DPYSL3: variants seen among roughly 807,000 people sequenced by gnomAD.
DPYSL3 encodes dihydropyrimidinase like 3.
In DPYSL3, 16 loss-of-function variants were observed where a neutral mutation model predicts 66.1. The ratio of observed to expected loss-of-function variants is 0.24; its 90% confidence interval spans 0.16 to 0.37. The LOEUF (loss-of-function observed/expected upper bound fraction) is 0.37, where lower values mean the gene tolerates loss of function less well. DPYSL3 is among the 10% of genes least tolerant of loss of function. DPYSL3 has a pLI of 1.00. For missense variants in DPYSL3, 738 were observed against 916.2 expected (o/e 0.81, Z 2.51); for synonymous variants, 338 against 345.1 (o/e 0.98, Z 0.23).
intron 1 of DPYSL3, among the ~76,000 whole-genome samples, chr5:147,452,269 G>C (rs904191805): frequency 2.6e-5 from 4 of 152,152 alleles, no homozygotes; most frequent in Non-Finnish European, 5.9e-5. Context: ...AAGCCTAAGG[G>C]AACAAGTGCA....
At chr5:147,407,622 T>A (rs932550958) in intron 7 of DPYSL3, among the ~76,000 whole-genome samples, 3 of 152,098 alleles carry the variant, frequency 2.0e-5, no homozygotes, top group Non-Finnish European at 2.9e-5. Flanking sequence ...TGCGCAACAA[T>A]GCCAACCACA....
chr5:147,446,067 C>T (rs115270643), intron 1 of DPYSL3, among the ~76,000 whole-genome samples: 100 of 152,298 alleles, frequency 6.6e-4, no homozygotes, highest in African/African-American at 2.2e-3. Flanking sequence ...AATGGTCGCT[C>T]TCATCCACTT....
intron 1 of DPYSL3, among the ~76,000 whole-genome samples, chr5:147,431,582 C>T (rs1425959413): frequency 1.3e-5 from 2 of 152,066 alleles, no homozygotes; most frequent in Non-Finnish European, 2.9e-5. Flanking sequence ...TATAACCAGC[C>T]ATTGTAAAAC....
Position 147,397,816 on chromosome 5 carries a change from C to G in DPYSL3, c.1653G>C (p.Met551Ile), listed in dbSNP as rs1758038936. The change falls in exon 12 of 14, where the codon ATG becomes ATC. Residue 551 changes from methionine (M) to isoleucine (I), a missense_variant. Transcript: ENST00000343218. ...SAAEYNIFEG[M>I]ELRGAPLVVI... ...CAACCAGAGGAGCCCCGCGCAGCTC[C>G]ATCCCTTCAAAGATGTTGTACTCTG... 6 of 1,613,344 alleles carry G rather than the reference C, an allele frequency of 3.7e-6. No individual in the cohort carries two copies. The highest frequency in any genetic ancestry group is 5.1e-6 in the Non-Finnish European group (6 of 1,179,690).
intron 1 of DPYSL3, among the ~76,000 whole-genome samples, chr5:147,455,167 A>G (rs1283949050): frequency 6.6e-6 from 1 of 152,188 alleles, no homozygotes; most frequent in East Asian, 1.9e-4. Flanking sequence ...TGCGATAAAG[A>G]AACTATATAA....
At chr5:147,480,952 C>T (rs1753230441) in intron 1 of DPYSL3, among the ~76,000 whole-genome samples, 1 of 151,990 alleles carries the variant, frequency 6.6e-6, no homozygotes, top group South Asian at 2.1e-4. Flanking sequence ...AAATTCTCGA[C>T]CTCAGGTGAT....
intron 1 of DPYSL3, among the ~76,000 whole-genome samples, chr5:147,496,557 AAAAC>A (rs1426057675): frequency 3.3e-5 from 5 of 152,192 alleles, no homozygotes; most frequent in South Asian, 4.1e-4. Flanking sequence ...TTACAAGAAA[AAAAC>A]AAACAACCCC....
At chr5:147,431,546 CCAT>C (rs199936748) in intron 1 of DPYSL3, among the ~76,000 whole-genome samples, 1,721 of 152,098 alleles carry the variant, frequency 0.011, 22 homozygotes, top group Admixed American at 0.019. Flanking sequence ...GTGTGAGCTA[CCAT>C]CATCATTATT....
At chr5:147,449,557 G>A (rs1318146980) in intron 1 of DPYSL3, among the ~76,000 whole-genome samples, 1 of 152,178 alleles carries the variant, frequency 6.6e-6, no homozygotes, top group Non-Finnish European at 1.5e-5. Context: ...TCAGCTGCAC[G>A]TGCCTCCAAG....
chr5:147,419,090 A>G (rs918937734), intron 2 of DPYSL3, among the ~76,000 whole-genome samples: 1 of 152,228 alleles, frequency 6.6e-6, no homozygotes, highest in Non-Finnish European at 1.5e-5. Context: ...GAACTCAGCT[A>G]TCTTTTAAGT....
At chr5:147,411,737 A>G (rs913866504) in intron 6 of DPYSL3, among the ~76,000 whole-genome samples, 2 of 152,172 alleles carry the variant, frequency 1.3e-5, no homozygotes, top group Non-Finnish European at 2.9e-5. Flanking sequence ...GACCACATTC[A>G]CCAAGTTCTG....
At chr5:147,475,288 T>C (rs186499221) in intron 1 of DPYSL3, among the ~76,000 whole-genome samples, 3 of 152,228 alleles carry the variant, frequency 2.0e-5, no homozygotes, top group East Asian at 3.9e-4. Flanking sequence ...GGTTTTAATA[T>C]CATATTGCTG....
intron 10 of DPYSL3, among the ~76,000 whole-genome samples, chr5:147,399,790 A>G (rs1156299817): frequency 6.6e-6 from 1 of 152,232 alleles, no homozygotes; most frequent in Non-Finnish European, 1.5e-5. Flanking sequence ...TTAAAAATAT[A>G]TATTATCTTG....
At chr5:147,468,693 C>T (rs910368353) in intron 1 of DPYSL3, among the ~76,000 whole-genome samples, 16 of 151,850 alleles carry the variant, frequency 1.1e-4, no homozygotes, top group African/African-American at 2.7e-4. Context: ...TGATTTGACT[C>T]ATTAACTTAA....
At chr5:147,402,662 T>A (rs1188956454) in intron 8 of DPYSL3, among the ~76,000 whole-genome samples, 7 of 151,926 alleles carry the variant, frequency 4.6e-5, no homozygotes, top group Non-Finnish European at 8.8e-5. Flanking sequence ...CTTTTTTTTT[T>A]ATCATGTTTG....
chr5:147,392,997 CGA>C lies in DPYSL3; in HGVS notation c.*1036_*1037del, dbSNP rs1757858989. 6.6e-6 allele frequency: 1 copy of C among 152,198 alleles called. No individual in the cohort carries two copies. Among genetic ancestry groups the C allele is most frequent in the Non-Finnish European group, 1.5e-5 (1 of 68,044 alleles). 9.4% of individuals were successfully genotyped at this position (152,198 alleles called of 1,614,324 possible). A position where few individuals can be genotyped will look rare whatever the true frequency, so the allele number is the denominator to read the frequency against. Reference sequence around the variant, plus strand: ...CTATTTATCATGGATGTGCCAGGATCGAGAGAATCAAACACAAACTGCCTGTA... The same window carrying C: ...CTATTTATCATGGATGTGCCAGGATCGAGAATCAAACACAAACTGCCTGTA... On this transcript the variant is annotated 3_prime_UTR_variant, in exon 14 of 14. Transcript: ENST00000343218.
At chr5:147,475,835 C>T (rs181670944) in intron 1 of DPYSL3, among the ~76,000 whole-genome samples, 100 of 152,040 alleles carry the variant, frequency 6.6e-4, no homozygotes, top group African/African-American at 2.2e-3. Context: ...GAAAAACACC[C>T]GAAGTTAATT....
chr5:147,430,279 T>C (rs1752284416), intron 1 of DPYSL3, among the ~76,000 whole-genome samples: 1 of 151,834 alleles, frequency 6.6e-6, no homozygotes, highest in Admixed American at 6.6e-5. Context: ...GTGGGTCACC[T>C]GAGGTCAGGA....
intron 1 of DPYSL3, among the ~76,000 whole-genome samples, chr5:147,468,157 G>T (rs1307230710): frequency 2.0e-5 from 3 of 152,116 alleles, no homozygotes; most frequent in African/African-American, 7.2e-5. Context: ...TAGAACAATG[G>T]CTCTATTGTA....
Sources: gnomAD v4.1 joint callset for allele counts (sites outside exome capture counted in the v4.1 genomes callset) on GRCh38, gnomAD v4.1.1 for gene constraint, MANE v1.5 for transcripts, NCBI Gene and HGNC (gene_info 2026-07-23, HGNC 2026-07-21) for gene names.